The following MED23 variants were observed in gnomAD, a reference collection of about 807,000 sequenced individuals.
The protein encoded by MED23 is mediator complex subunit 23.
MED23 carries 105 observed loss-of-function variants against 163.9 expected under a neutral mutation model. The ratio of observed to expected loss-of-function variants is 0.64; its 90% CI spans 0.55 to 0.75. The LOEUF (loss-of-function observed/expected upper bound fraction) is 0.75, where lower values mean the gene tolerates loss of function less well. Among genes scored for constraint, MED23 ranks in the 30% least tolerant of loss-of-function variants. The pLI, the probability that MED23 is intolerant of heterozygous loss-of-function variation, is 0.00. For synonymous variants in MED23, 561 were observed against 565.6 expected (o/e 0.99, Z 0.12); for missense variants, 1,054 against 1,649.0 (o/e 0.64, Z 6.25).
chr6:131,581,215 A>G (rs776376445), intron 30 of MED23: 4 of 1,613,794 alleles, frequency 2.5e-6, no homozygotes, highest in Non-Finnish European at 3.4e-6. Context: ...TTTTTCCCCA[A>G]AAGTTTGGCA....
Position 131,620,760 on chromosome 6 carries a change from T to C in MED23, c.496-31A>G, listed in dbSNP as rs113766270. ...AAAAACAAAAAGGCCACATCATTCT[T>C]GACTAGTCCCACATATAAGCCCTTT... On this transcript the variant is annotated intron_variant, in intron 6 of 28. Transcript: ENST00000368068. 123 of 1,330,984 alleles carry C rather than the reference T, an allele frequency of 9.2e-5. 2 individuals carry two copies. In the African/African-American group the frequency reaches 1.5e-3, roughly 17 times the overall value. The allele number at this position is 1,330,984 out of a possible 1,614,324, so 82.4% of individuals were successfully genotyped here.
intron 23 of MED23, among the ~76,000 whole-genome samples, chr6:131,593,882 C>T (rs1774841610): frequency 6.6e-6 from 1 of 152,028 alleles, no homozygotes; most frequent in South Asian, 2.1e-4. Flanking sequence ...CGCTTATCCT[C>T]AAGTTCTAAA....
At chr6:131,583,717 A>G (rs1342542757), downstream of MED23, 2 of 1,607,802 alleles carry the variant, frequency 1.2e-6, no homozygotes, top group Admixed American at 3.3e-5. Context: ...TTTATAAATT[A>G]CATTATTACA....
At chr6:131,580,195 T>C (rs1264518447) in intron 30 of MED23, among the ~76,000 whole-genome samples, 2 of 152,198 alleles carry the variant, frequency 1.3e-5, no homozygotes, top group Admixed American at 6.5e-5. Context: ...AGTCAATGAC[T>C]TCAGGTCTCC....
rs1774229439 is a variant in MED23, at chr6:131,587,053, T to A, written c.*626A>T. On this transcript the variant is annotated 3_prime_UTR_variant, in exon 29 of 29. Transcript: ENST00000368068. The stretch of plus-strand genomic sequence containing the variant: ...TTTTCTTACATGGCTTCCAACTAAT[T>A]TTATACAGTAAGTTCAAGTCCATAG... 7.1e-7 allele frequency: 1 copy of A among 1,405,354 alleles called. No individual in the cohort carries two copies. The highest frequency in any genetic ancestry group is 9.3e-7 in the Non-Finnish European group (1 of 1,075,626). The allele number at this position is 1,405,354 out of a possible 1,614,324, so 87.1% of individuals were successfully genotyped here. A position where few individuals can be genotyped will look rare whatever the true frequency, so the allele number is the denominator to read the frequency against.
chr6:131,594,048 A>T, intron 23 of MED23, 51 bp downstream of exon 23: 1 of 1,444,186 alleles, frequency 6.9e-7, no homozygotes, highest in Admixed American at 1.7e-5. Context: ...TATTCTCATA[A>T]ATCAAAATAC....
chr6:131,596,238 CATT>C, intron 21 of MED23, 75 bp from the exon 22 acceptor site: 2 of 1,333,276 alleles, frequency 1.5e-6, no homozygotes, highest in Non-Finnish European at 2.1e-6. Flanking sequence ...AATGTGAAAA[CATT>C]GTTTAGATTT....
intron 13 of MED23, among the ~76,000 whole-genome samples, chr6:131,605,726 T>C (rs537883710): frequency 6.6e-6 from 1 of 152,278 alleles, no homozygotes; most frequent in East Asian, 1.9e-4. Context: ...GCACTACATA[T>C]ATGACCACCA....
At position 131,622,027 on chromosome 6, in the gene MED23, T is replaced by G. The variant is rs754555347; in HGVS notation, c.397-48A>C. ...GGTTAAAATTAAGTAGTGTCTACTG[T>G]GTTAGCTAAAACGTCCGAAGGTTTC... On this transcript the variant is annotated intron_variant, in intron 5 of 28. Transcript: ENST00000368068. 6 of 1,389,224 alleles carry G rather than the reference T, an allele frequency of 4.3e-6. No homozygotes were observed. The Admixed American group carries it at 1.0e-4, about 23-fold the overall frequency. The allele number at this position is 1,389,224 out of a possible 1,614,324, so 86.1% of individuals were successfully genotyped here. A position where few individuals can be genotyped will look rare whatever the true frequency, so the allele number is the denominator to read the frequency against.
intron 30 of MED23, among the ~76,000 whole-genome samples, chr6:131,577,486 ATGTT>A (rs764414072): frequency 7.2e-5 from 11 of 152,156 alleles, no homozygotes; most frequent in Non-Finnish European, 1.6e-4. Flanking sequence ...TTGTGCTTGA[ATGTT>A]TGGGGGCAGC....
chr6:131,590,866 C>G (rs1184848854), intron 26 of MED23, among the ~76,000 whole-genome samples: 1 of 152,008 alleles, frequency 6.6e-6, no homozygotes, highest in African/African-American at 2.4e-5. Flanking sequence ...ATCCACCCAT[C>G]TCGGCCTCCC....
chr6:131,614,084 A>C (rs1776475776), intron 10 of MED23, among the ~76,000 whole-genome samples: 2 of 152,160 alleles, frequency 1.3e-5, no homozygotes, highest in Non-Finnish European at 2.9e-5. Context: ...AATTCAATGA[A>C]AGTTGATCAG....
chr6:131,615,882 C>T (rs761365154), intron 10 of MED23, 25 bp downstream of exon 10: 3 of 1,535,840 alleles, frequency 2.0e-6, no homozygotes, highest in Non-Finnish European at 1.8e-6. Flanking sequence ...GCAGAATTTA[C>T]TAGGTTTCCA....
intron 12 of MED23, among the ~76,000 whole-genome samples, chr6:131,607,362 C>T (rs1038072583): frequency 4.6e-5 from 7 of 151,758 alleles, no homozygotes; most frequent in Admixed American, 2.6e-4. Flanking sequence ...CTGGCCAACA[C>T]GGCGAAACCC....
At chr6:131,627,822 A>C in intron 1 of MED23, 150 bp from the exon 2 acceptor site, 2 of 1,062,446 alleles carry the variant, frequency 1.9e-6, no homozygotes, top group Non-Finnish European at 2.9e-6. Context: ...TATCGATTTC[A>C]AAGGATACAA....
chr6:131,594,677 A>G (rs554672941), intron 22 of MED23, among the ~76,000 whole-genome samples: 1 of 152,306 alleles, frequency 6.6e-6, no homozygotes, highest in East Asian at 1.9e-4. Context: ...AACAGCCTAA[A>G]AGGTCAAAAA....
At chr6:131,584,844 C>CAT (rs1774120792), downstream of MED23, among the ~76,000 whole-genome samples, 1 of 150,390 alleles carries the variant, frequency 6.6e-6, no homozygotes, top group Non-Finnish European at 1.5e-5. Flanking sequence ...CACACACACA[C>CAT]ACACACTAGC....
intron 10 of MED23, chr6:131,615,454 G>T: frequency 3.1e-6 from 2 of 636,382 alleles, no homozygotes; most frequent in Non-Finnish European, 2.6e-6. Flanking sequence ...CCCAGAGTCA[G>T]CACAAACCCT....
At chr6:131,621,352 C>T (rs1020756736) in intron 6 of MED23, among the ~76,000 whole-genome samples, 5 of 151,560 alleles carry the variant, frequency 3.3e-5, no homozygotes, top group Non-Finnish European at 5.9e-5. Context: ...AATATATATA[C>T]ACACACACAG....
Sources: allele counts gnomAD v4.1 joint callset (sites outside exome capture counted in the v4.1 genomes callset), GRCh38; gene constraint gnomAD v4.1.1; transcripts MANE v1.5; gene names NCBI Gene and HGNC (gene_info 2026-07-23, HGNC 2026-07-21).